Variants in BMP2K observed in about 807,000 individuals in gnomAD.
The protein encoded by BMP2K is BMP2 inducible kinase.
Under a neutral mutation model 116.0 loss-of-function variants are expected in BMP2K, and 74 were observed. The ratio of observed to expected loss-of-function variants is 0.64; its 90% CI spans 0.53 to 0.77. The LOEUF is 0.77. Ranked by LOEUF, BMP2K falls within the 30% of genes least tolerant of loss-of-function variation. The pLI, the probability that BMP2K is intolerant of heterozygous loss-of-function variation, is 0.00. For missense variants in BMP2K, 1,365 were observed against 1,403.6 expected (o/e 0.97, Z 0.44); for synonymous variants, 486 against 502.5 (o/e 0.97, Z 0.44).
chr4:78,871,140 A>G, intron 11 of BMP2K, 80 bp downstream of exon 11: 4 of 1,559,402 alleles, frequency 2.6e-6, no homozygotes, highest in East Asian at 4.5e-5. Context: ...TCCTTTTTGT[A>G]TCATGGGCAC....
intron 9 of BMP2K, among the ~76,000 whole-genome samples, chr4:78,862,904 TTATA>T (rs1211255630): frequency 6.6e-6 from 1 of 152,112 alleles, no homozygotes; most frequent in Non-Finnish European, 1.5e-5. Flanking sequence ...GCATCCACTG[TTATA>T]GTTGAGTGTT....
intron 15 of BMP2K, among the ~76,000 whole-genome samples, chr4:78,899,869 A>G (rs771300384): frequency 4.6e-5 from 7 of 152,222 alleles, no homozygotes; most frequent in Non-Finnish European, 5.9e-5. Context: ...ATTCTTTCCA[A>G]GAGTCCAGCT....
intron 3 of BMP2K, among the ~76,000 whole-genome samples, chr4:78,835,577 C>T (rs1180065196): frequency 6.8e-6 from 1 of 147,344 alleles, no homozygotes; most frequent in Non-Finnish European, 1.5e-5. Flanking sequence ...TGCAATGAGC[C>T]GAGATCGCGC....
At chr4:78,878,100 A>C (rs1288611675) in intron 13 of BMP2K, among the ~76,000 whole-genome samples, 1 of 152,160 alleles carries the variant, frequency 6.6e-6, no homozygotes, top group East Asian at 1.9e-4. Flanking sequence ...AGATACTTTA[A>C]ATACTATAAT....
rs114301787 is a variant in BMP2K, at chr4:78,845,938, G to A, written c.668+889G>A. On this transcript the variant is annotated intron_variant, in intron 5 of 15. Coordinates refer to ENST00000502613, the MANE Select transcript of BMP2K (RefSeq NM_198892.2). ...AACTTAGCCTATGATGATTATGTTA[G>A]ATTTAATAAAAACAAACATGTTAGT... Among the ~76,000 whole-genome samples the A allele has an allele frequency of 4.5e-3, 677 of 151,684 alleles. 2 individuals are homozygous for A. The highest frequency in any genetic ancestry group is 0.015 in the African/African-American group (640 of 41,476).
At chr4:78,843,983 A>G (rs1404176191) in intron 4 of BMP2K, among the ~76,000 whole-genome samples, 2 of 151,910 alleles carry the variant, frequency 1.3e-5, no homozygotes, top group Non-Finnish European at 2.9e-5. Context: ...AAATTTTTAA[A>G]AAAGTATACT....
At chr4:78,894,294 A>G (rs1560550339) in intron 15 of BMP2K, among the ~76,000 whole-genome samples, 1 of 152,206 alleles carries the variant, frequency 6.6e-6, no homozygotes, top group Non-Finnish European at 1.5e-5. Context: ...ATAGCTCTAA[A>G]AGTCCTAGAT....
intron 3 of BMP2K, among the ~76,000 whole-genome samples, chr4:78,837,446 C>T (rs939854447): frequency 1.3e-5 from 2 of 152,146 alleles, no homozygotes; most frequent in Admixed American, 6.5e-5. Context: ...CCACCTGCCT[C>T]GGCCTCCTAG....
At chr4:78,825,786 A>G (rs557894371) in intron 1 of BMP2K, among the ~76,000 whole-genome samples, 1 of 152,360 alleles carries the variant, frequency 6.6e-6, no homozygotes, top group African/African-American at 2.4e-5. Flanking sequence ...ATTCTAGTGC[A>G]AAAGGTGAAA....
intron 15 of BMP2K, among the ~76,000 whole-genome samples, chr4:78,887,894 A>G (rs1733186670): frequency 6.6e-6 from 1 of 152,206 alleles, no homozygotes; most frequent in South Asian, 2.1e-4. Flanking sequence ...TGGCAAAGGG[A>G]AATATGTTAG....
chr4:78,912,323 C>G lies in BMP2K; in HGVS notation c.*290C>G, dbSNP rs1734683771. 3.1e-6 allele frequency: 1 copy of G among 320,762 alleles called. No homozygotes were observed. The highest frequency in any genetic ancestry group is 5.5e-5 in the East Asian group (1 of 18,332). The allele number at this position is 320,762 out of a possible 1,614,324, so 19.9% of individuals were successfully genotyped here. ...TGGTACTTCCAGTGAAAGCACATGG[C>G]ACCTTTCTAGGTGTGTAGCCACTGA... On this transcript the variant is annotated 3_prime_UTR_variant, in exon 16 of 16. Coordinates refer to ENST00000502613, the MANE Select transcript of BMP2K (RefSeq NM_198892.2).
chr4:78,900,726 T>TA (rs1375696945), intron 15 of BMP2K, among the ~76,000 whole-genome samples: 2 of 152,226 alleles, frequency 1.3e-5, no homozygotes, highest in Admixed American at 6.5e-5. Context: ...GACTATGTCT[T>TA]AAAATGAATC....
intron 8 of BMP2K, among the ~76,000 whole-genome samples, 173 bp downstream of exon 8, chr4:78,859,860 C>T: frequency 6.6e-6 from 1 of 151,534 alleles, no homozygotes. Context: ...GCTTCAGTAC[C>T]CAAACTATGC....
chr4:78,778,653 T>G (rs1310712781), intron 1 of BMP2K, among the ~76,000 whole-genome samples: 1 of 152,230 alleles, frequency 6.6e-6, no homozygotes, highest in Non-Finnish European at 1.5e-5. Flanking sequence ...TATAATCAGT[T>G]TAATTTTGAT....
At chr4:78,815,204 C>T (rs778151862) in intron 1 of BMP2K, among the ~76,000 whole-genome samples, 41 of 152,250 alleles carry the variant, frequency 2.7e-4, no homozygotes, top group Non-Finnish European at 5.6e-4. Context: ...TATCTTAATT[C>T]TGGCTCTGCT....
chr4:78,806,697 A>C (rs749547314), intron 1 of BMP2K, among the ~76,000 whole-genome samples: 2 of 152,182 alleles, frequency 1.3e-5, no homozygotes, highest in Non-Finnish European at 2.9e-5. Flanking sequence ...GATCACAGGG[A>C]GAAAGCTTTC....
At chr4:78,850,558 C>T (rs1231592711) in intron 6 of BMP2K, among the ~76,000 whole-genome samples, 1 of 151,776 alleles carries the variant, frequency 6.6e-6, no homozygotes, top group African/African-American at 2.4e-5. Flanking sequence ...ATAGTGAATG[C>T]TTAAAAATGC....
chr4:78,776,490 G>C lies in BMP2K; in HGVS notation c.-54G>C, dbSNP rs1185621715. On this transcript the variant is annotated 5_prime_UTR_variant, in exon 1 of 16. Coordinates refer to ENST00000502613, the MANE Select transcript of BMP2K (RefSeq NM_198892.2). The stretch of plus-strand genomic sequence containing the variant: ...TCGCGGACGCCCGGCTGCGCGCCGG[G>C]CCGGGGACTTGCCCTTGCACGCTCC... 2 of 1,118,366 alleles carry C rather than the reference G, an allele frequency of 1.8e-6. No individual in the cohort carries two copies. Among genetic ancestry groups the C allele is most frequent in the Non-Finnish European group, 2.2e-6 (2 of 914,546 alleles). The allele number at this position is 1,118,366 out of a possible 1,614,324, so 69.3% of individuals were successfully genotyped here.
intron 1 of BMP2K, among the ~76,000 whole-genome samples, chr4:78,815,907 A>G (rs774645955): frequency 6.6e-5 from 10 of 152,156 alleles, no homozygotes; most frequent in Non-Finnish European, 1.2e-4. Context: ...AAAAATATTG[A>G]TGAGTAAAGT....
Sources: allele counts gnomAD v4.1 joint callset (sites outside exome capture counted in the v4.1 genomes callset), GRCh38; gene constraint gnomAD v4.1.1; transcripts MANE v1.5; gene names NCBI Gene and HGNC (gene_info 2026-07-23, HGNC 2026-07-21).